The following NAV2 variants were observed in gnomAD, a reference collection of about 807,000 sequenced individuals.
The protein encoded by NAV2 is helicase, APC down-regulated 1.
A neutral mutation model predicts 223.2 loss-of-function variants in NAV2; 54 were observed. The ratio of observed to expected loss-of-function variants is 0.24; its 90% CI spans 0.19 to 0.30. The LOEUF is 0.30. Among genes scored for constraint, NAV2 ranks in the 10% least tolerant of loss-of-function variants. The pLI is 1.00. For synonymous variants in NAV2, 1,279 were observed against 1,239.3 expected (o/e 1.03, Z -0.67); for missense variants, 2,806 against 3,147.5 (o/e 0.89, Z 2.60).
chr11:19,673,346 C>T (rs1044047247), intron 1 of NAV2, among the ~76,000 whole-genome samples: 2 of 152,204 alleles, frequency 1.3e-5, no homozygotes, highest in African/African-American at 4.8e-5. Context: ...ATTCTTCTAC[C>T]AATCTTAAGA....
intron 20 of NAV2, among the ~76,000 whole-genome samples, chr11:20,063,681 GT>G (rs559442701): frequency 1.8e-4 from 27 of 152,010 alleles, no homozygotes; most frequent in Non-Finnish European, 3.8e-4. Flanking sequence ...GGCTATAGCT[GT>G]ATGCTATTTA....
chr11:19,486,217 G>A (rs2042439700), intron 1 of NAV2, among the ~76,000 whole-genome samples: 1 of 152,130 alleles, frequency 6.6e-6, no homozygotes. Context: ...GTGGAATTGA[G>A]GCTGGCTGCC....
At chr11:19,717,997 C>T (rs1345934615) in intron 1 of NAV2, among the ~76,000 whole-genome samples, 4 of 152,108 alleles carry the variant, frequency 2.6e-5, no homozygotes, top group Non-Finnish European at 5.9e-5. Flanking sequence ...CACCCTTCCT[C>T]CAGGCCCCTT....
At chr11:19,523,063 G>C (rs976759193) in intron 1 of NAV2, among the ~76,000 whole-genome samples, 1 of 152,226 alleles carries the variant, frequency 6.6e-6, no homozygotes, top group South Asian at 2.1e-4. Flanking sequence ...AGAGGAAGCA[G>C]GTGTTAGGTC....
intron 1 of NAV2, among the ~76,000 whole-genome samples, chr11:19,552,172 A>T (rs1267719925): frequency 6.6e-6 from 1 of 152,014 alleles, no homozygotes; most frequent in Non-Finnish European, 1.5e-5. Flanking sequence ...TGTAGGTGGC[A>T]GGGAGGGGCG....
chr11:19,722,484 C>T (rs2050825578), intron 1 of NAV2, among the ~76,000 whole-genome samples: 2 of 152,204 alleles, frequency 1.3e-5, no homozygotes, highest in East Asian at 1.9e-4. Flanking sequence ...AGCCTTCTGC[C>T]ACCACCATGG....
intron 1 of NAV2, among the ~76,000 whole-genome samples, chr11:19,564,968 C>G (rs1213519169): frequency 1.3e-5 from 2 of 152,088 alleles, no homozygotes; most frequent in African/African-American, 2.4e-5. Flanking sequence ...AACCCTACCT[C>G]TACTAAAAAA....
At chr11:20,016,362 G>A (rs373902187) in intron 11 of NAV2, among the ~76,000 whole-genome samples, 26 of 152,196 alleles carry the variant, frequency 1.7e-4, no homozygotes, top group Admixed American at 7.8e-4. Context: ...TTTAGAATGG[G>A]AAGGGCATAA....
chr11:19,666,475 T>C (rs1246179477), intron 1 of NAV2, among the ~76,000 whole-genome samples: 2 of 152,182 alleles, frequency 1.3e-5, no homozygotes, highest in African/African-American at 4.8e-5. Context: ...ACTGCCATCA[T>C]TGAGGGAGAT....
rs182941546 is a variant in NAV2 at position 19,571,762 on chromosome 11, C to G, written c.75+220735C>G. Among the ~76,000 whole-genome samples the G allele has an allele frequency of 2.5e-4, 38 of 152,078 alleles. No individual in the cohort carries two copies. The East Asian group carries it at 2.7e-3, about 11-fold the overall frequency. On this transcript the variant is annotated intron_variant, in intron 1 of 37. Coordinates refer to the NAV2 transcript ENST00000360655. The stretch of plus-strand genomic sequence containing the variant: ...TTTTATGTTATGTCGATTTTACTTT[C>G]ATTAAAAAGAAACGTGTAGCTCAGA...
intron 1 of NAV2, among the ~76,000 whole-genome samples, chr11:19,393,265 T>G (rs1194216134): frequency 6.6e-6 from 1 of 152,230 alleles, no homozygotes. Context: ...AGTTTCATTC[T>G]TCTCATGCTG....
chr11:19,440,730 C>T (rs1851372008), intron 1 of NAV2, among the ~76,000 whole-genome samples: 2 of 152,188 alleles, frequency 1.3e-5, no homozygotes, highest in African/African-American at 4.8e-5. Context: ...TACACACCTC[C>T]TGGCATCGAC....
chr11:19,484,417 A>T (rs2042377887), intron 1 of NAV2, among the ~76,000 whole-genome samples: 1 of 152,202 alleles, frequency 6.6e-6, no homozygotes, highest in Non-Finnish European at 1.5e-5. Context: ...CTTAGGAATC[A>T]TATATTCCCT....
chr11:19,568,189 C>T (rs2045327178), intron 1 of NAV2, among the ~76,000 whole-genome samples: 1 of 152,238 alleles, frequency 6.6e-6, no homozygotes, highest in Non-Finnish European at 1.5e-5. Flanking sequence ...TTGGCACAAG[C>T]CACAGCTCAC....
chr11:19,933,426 C>T lies in NAV2; in HGVS notation c.1182C>T (p.Ala394=), dbSNP rs1323416045. 3 of 1,587,128 alleles carry T rather than the reference C, an allele frequency of 1.9e-6. No individual in the cohort carries two copies. The highest frequency in any genetic ancestry group is 1.8e-5 in the Admixed American group (1 of 55,088). The part of the protein sequence containing the change: ...PRPTPEAMKP[A]PNNQKSMLEK... ...CCACACCTGAAGCCATGAAGCCGGC[C>T]CCCAACAATCAGAAGTCCATGCTGG... The change falls in exon 7 of 38, where the codon GCC becomes GCT. Residue 394 remains alanine (A), a synonymous_variant. Transcript: ENST00000349880. The surrounding 1 kb of genome is among the most constrained non-coding windows in gnomAD (Gnocchi z 4.3).
At chr11:19,506,262 A>G (rs1455001566) in intron 1 of NAV2, 1 of 152,264 alleles carries the variant, frequency 6.6e-6, no homozygotes, top group East Asian at 1.9e-4. Flanking sequence ...GGAGCCAGAA[A>G]CTATAGGCAT....
At chr11:19,883,735 A>G (rs1272404293) in intron 5 of NAV2, among the ~76,000 whole-genome samples, 5 of 152,210 alleles carry the variant, frequency 3.3e-5, no homozygotes, top group Non-Finnish European at 1.5e-5. Flanking sequence ...AATTCTTTAT[A>G]TGTACCAATT....
At chr11:20,023,110 C>T in intron 11 of NAV2, 1 of 1,551,888 alleles carries the variant, frequency 6.4e-7, no homozygotes, top group Non-Finnish European at 8.7e-7. Flanking sequence ...TAGTGAAATG[C>T]TCTGGCCTAG....
At chr11:19,356,672 G>A (rs927307047) in intron 1 of NAV2, among the ~76,000 whole-genome samples, 2 of 152,160 alleles carry the variant, frequency 1.3e-5, no homozygotes, top group Non-Finnish European at 2.9e-5. Flanking sequence ...TGGCCTTTTG[G>A]GGGGCTGCAG....
Sources: allele counts gnomAD v4.1 joint callset (sites outside exome capture counted in the v4.1 genomes callset), GRCh38; gene constraint gnomAD v4.1.1; non-coding constraint Gnocchi (gnomAD v3.1); transcripts MANE v1.5; gene names NCBI Gene and HGNC (gene_info 2026-07-23, HGNC 2026-07-21).